ADAM10: variants seen among roughly 807,000 people sequenced by gnomAD.
ADAM10 encodes the protein disintegrin and metalloproteinase domain-containing protein 10.
Under a neutral mutation model 90.1 loss-of-function variants are expected in ADAM10, and 17 were observed. The observed-to-expected ratio is 0.19, with a 90% confidence interval of 0.13 to 0.28. The LOEUF (loss-of-function observed/expected upper bound fraction) is 0.28, where lower values mean the gene tolerates loss of function less well. Among genes scored for constraint, ADAM10 ranks in the 10% least tolerant of loss-of-function variants. ADAM10 has a pLI of 1.00. For synonymous variants in ADAM10, 310 were observed against 298.6 expected, an observed-to-expected ratio of 1.04 and a Z score of -0.40; for missense variants, 610 against 914.3, an observed-to-expected ratio of 0.67 and a Z score of 4.29.
At chr15:58,649,318 A>G (rs780535347) in intron 5 of ADAM10, among the ~76,000 whole-genome samples, 1 of 152,256 alleles carries the variant, frequency 6.6e-6, no homozygotes, top group Non-Finnish European at 1.5e-5. Context: ...TCTCACTCCA[A>G]TTTTAACTCC....
At chr15:58,716,878 G>GT (rs1466214382) in intron 2 of ADAM10, among the ~76,000 whole-genome samples, 2 of 152,034 alleles carry the variant, frequency 1.3e-5, no homozygotes, top group African/African-American at 4.8e-5. Context: ...CCAAGATTCT[G>GT]TAAGTGTCCC....
rs1459740656 is a variant in ADAM10, at chr15:58,593,117, T to A, written c.*4430A>T. 1 of 136,430 alleles carries A rather than the reference T, an allele frequency of 7.3e-6. No individual in the cohort carries two copies. The highest frequency in any genetic ancestry group is 1.6e-5 in the Non-Finnish European group (1 of 63,820). The allele number at this position is 136,430 out of a possible 1,614,324, so 8.5% of individuals were successfully genotyped here. A position where few individuals can be genotyped will look rare whatever the true frequency, so the allele number is the denominator to read the frequency against. Reference sequence around the variant, plus strand: ...GCATATTATGTTTTTGTCACACACATAGAAAAAAAGTAACAAAGGCCAGGT... The same window carrying A: ...GCATATTATGTTTTTGTCACACACAAAGAAAAAAAGTAACAAAGGCCAGGT... On this transcript the variant is annotated 3_prime_UTR_variant, in exon 16 of 16. Coordinates refer to ENST00000260408, the MANE Select transcript of ADAM10 (RefSeq NM_001110.4).
Position 58,643,909 on chromosome 15 carries a change from T to C in ADAM10, c.805A>G (p.Ser269Gly), listed in dbSNP as rs1365868158. Residue 269 changes from serine to glycine, a missense_variant, in exon 7 of 16, where the codon AGT (serine) becomes GGT (glycine). This residue lies in a region of ADAM10 where 310 missense variants were observed against 362.4 expected (regional missense o/e 0.86). Transcript: ENST00000260408. ...ACTCTTATGCGTTTCACCATGAAAC[T>C]GATGTTACGGATTCCGGAGAAGTCT... Reference protein sequence around the residue: ...TTDFSGIRNISFMVKRIRINT... With the variant: ...TTDFSGIRNIGFMVKRIRINT... 3 of 1,613,152 alleles carry C rather than the reference T, an allele frequency of 1.9e-6. No homozygotes were observed. Among genetic ancestry groups the C allele is most frequent in the Admixed American group, 3.3e-5 (2 of 60,024 alleles).
At chr15:58,680,714 A>T (rs12592332) in intron 3 of ADAM10, among the ~76,000 whole-genome samples, 1 of 152,018 alleles carries the variant, frequency 6.6e-6, no homozygotes, top group South Asian at 2.1e-4. Context: ...AAAAATCAGG[A>T]CTTCCACAAT....
chr15:58,691,522 T>C (rs1217922218), intron 2 of ADAM10: 3 of 568,568 alleles, frequency 5.3e-6, no homozygotes, highest in Non-Finnish European at 1.0e-5. Context: ...GACTGGAAGG[T>C]GTGAGACCAC....
chr15:58,732,708 C>CAA (rs35121031), intron 1 of ADAM10: 171 of 86,966 alleles, frequency 2.0e-3, no homozygotes, highest in African/African-American at 4.8e-3. Context: ...GACTCCATCT[C>CAA]AAAAAAAAAA....
At chr15:58,610,011 A>C (rs1335228200) in intron 14 of ADAM10, 1 of 374,256 alleles carries the variant, frequency 2.7e-6, no homozygotes, top group Non-Finnish European at 4.9e-6. Context: ...AAAATGCCCT[A>C]ATAATATGCA....
chr15:58,740,979 T>C (rs1451473569), intron 1 of ADAM10, among the ~76,000 whole-genome samples: 1 of 152,220 alleles, frequency 6.6e-6, no homozygotes, highest in Non-Finnish European at 1.5e-5. Context: ...TAATAATATT[T>C]ATATAGTACT....
chr15:58,703,635 G>A (rs1898192759), intron 2 of ADAM10, among the ~76,000 whole-genome samples: 1 of 152,154 alleles, frequency 6.6e-6, no homozygotes, highest in Admixed American at 6.5e-5. Context: ...TGAGTGACAT[G>A]GTTTGGCTCT....
chr15:58,685,258 G>A (rs542516230), intron 2 of ADAM10, among the ~76,000 whole-genome samples: 41 of 149,710 alleles, frequency 2.7e-4, no homozygotes, highest in Non-Finnish European at 5.3e-4. Context: ...TCAGGAGATC[G>A]AGACCATCCT....
At position 58,679,227 on chromosome 15, in the gene ADAM10, G is replaced by C; in HGVS notation, c.381C>G (p.Phe127Leu). 6.2e-7 allele frequency: 1 copy of C among 1,614,062 alleles called. No homozygotes were observed. The highest frequency in any genetic ancestry group is 1.1e-5 in the South Asian group (1 of 91,076). The change falls in exon 4 of 16, where the codon TTC becomes TTG. Residue 127 changes from phenylalanine to leucine, a missense_variant. Physicochemically the swap from Phe to Leu is conservative, Grantham distance 22. Coordinates refer to ENST00000260408, the MANE Select transcript of ADAM10 (RefSeq NM_001110.4). Reference protein sequence around the residue: ...GSVIDGRFEGFIQTRGGTFYV... With the variant: ...GSVIDGRFEGLIQTRGGTFYV... ...AAAATGTGCCACCACGAGTCTGGAT[G>C]AATCCTTCAAATCTTCCATCAATAA...
chr15:58,647,121 A>G (rs779324432), intron 5 of ADAM10, among the ~76,000 whole-genome samples: 3 of 152,032 alleles, frequency 2.0e-5, no homozygotes, highest in Non-Finnish European at 4.4e-5. Flanking sequence ...GGATTATTTA[A>G]TTTCTGTCCA....
intron 1 of ADAM10, among the ~76,000 whole-genome samples, chr15:58,722,726 C>CT (rs71116592): frequency 0.23 from 24,255 of 103,950 alleles, 3,948 homozygotes; most frequent in East Asian, 0.53. Flanking sequence ...AATTTGAGAA[C>CT]TTTTTTTTTT....
At chr15:58,735,596 T>C (rs1214636841) in intron 1 of ADAM10, among the ~76,000 whole-genome samples, 4 of 152,164 alleles carry the variant, frequency 2.6e-5, no homozygotes, top group African/African-American at 7.2e-5. Flanking sequence ...CCTATATAAA[T>C]AGTTGTTGTA....
At chr15:58,627,935 A>C in intron 9 of ADAM10, 52 bp from the exon 10 acceptor site, 1 of 1,546,674 alleles carries the variant, frequency 6.5e-7, no homozygotes, top group Non-Finnish European at 8.9e-7. Flanking sequence ...TAAGGTTTTC[A>C]GGTCAACTGA....
At chr15:58,694,012 A>G (rs1897903130) in intron 2 of ADAM10, among the ~76,000 whole-genome samples, 1 of 152,234 alleles carries the variant, frequency 6.6e-6, no homozygotes, top group Non-Finnish European at 1.5e-5. Flanking sequence ...CTAGAATAAT[A>G]TATTATCACA....
At chr15:58,705,605 G>A (rs779439805) in intron 2 of ADAM10, among the ~76,000 whole-genome samples, 1 of 152,082 alleles carries the variant, frequency 6.6e-6, no homozygotes. Context: ...ACAAATAATA[G>A]ACATACCAGA....
intron 5 of ADAM10, among the ~76,000 whole-genome samples, chr15:58,660,407 C>T (rs975965554): frequency 1.8e-4 from 28 of 151,842 alleles, no homozygotes; most frequent in Non-Finnish European, 3.2e-4. Context: ...ATTTCTTTTA[C>T]GCTCATTTGG....
rs56776777 is a variant in ADAM10, at chr15:58,685,545, A to AATATATATAT, written c.207-3241_207-3232dup. Among the ~76,000 whole-genome samples the AATATATATAT allele has an allele frequency of 5.4e-3, 629 of 116,078 alleles. 8 individuals are homozygous for AATATATATAT. Among genetic ancestry groups the AATATATATAT allele is most frequent in the South Asian group, 7.7e-3 (26 of 3,396 alleles). 76.2% of individuals were successfully genotyped at this position (116,078 alleles called of 152,430 possible). Reference sequence around the variant, plus strand: ...TTTTAAAAACAAGAATATGAAGGAGAATATATATATATATATATATATATA... The same window carrying AATATATATAT: ...TTTTAAAAACAAGAATATGAAGGAGAATATATATATATATATATATATATATATATATATA... On this transcript the variant is annotated intron_variant, in intron 2 of 15. Transcript: ENST00000260408.
Sources: allele counts gnomAD v4.1 joint callset (sites outside exome capture counted in the v4.1 genomes callset), GRCh38; gene constraint gnomAD v4.1.1; regional missense constraint gnomAD v4.1.1; transcripts MANE v1.5; gene names NCBI Gene and HGNC (gene_info 2026-07-23, HGNC 2026-07-21).